ROBO1: variants seen among roughly 807,000 people sequenced by gnomAD.
The protein encoded by ROBO1 is roundabout guidance receptor 1.
ROBO1 carries 149 observed loss-of-function variants against 195.9 expected under a neutral mutation model. The observed-to-expected ratio is 0.76, with a 90% CI of 0.67 to 0.87. The LOEUF is 0.87. ROBO1 is among the 40% of genes least tolerant of loss of function. ROBO1 has a pLI of 0.00. For missense variants in ROBO1, 1,933 were observed against 2,068.3 expected, an observed-to-expected ratio of 0.93 and a Z score of 1.27; for synonymous variants, 816 against 733.2, an observed-to-expected ratio of 1.11 and a Z score of -1.82.
intron 3 of ROBO1, among the ~76,000 whole-genome samples, chr3:78,959,501 G>C (rs914389540): frequency 6.6e-6 from 1 of 152,076 alleles, no homozygotes; most frequent in Non-Finnish European, 1.5e-5. Context: ...CTAAAACAAT[G>C]AATGGAAGTA....
intron 8 of ROBO1, among the ~76,000 whole-genome samples, chr3:78,710,003 C>T (rs543792839): frequency 1.2e-4 from 19 of 152,288 alleles, no homozygotes; most frequent in Admixed American, 3.3e-4. Flanking sequence ...CAATACATAT[C>T]TAGGACTAGC....
intron 3 of ROBO1, among the ~76,000 whole-genome samples, chr3:79,069,495 T>G (rs184818137): frequency 6.6e-6 from 1 of 152,062 alleles, no homozygotes; most frequent in Non-Finnish European, 1.5e-5. Flanking sequence ...CTTCAAAGTA[T>G]TTGCTATTTG....
At chr3:79,566,545 T>A (rs1268587302) in intron 2 of ROBO1, among the ~76,000 whole-genome samples, 1 of 152,088 alleles carries the variant, frequency 6.6e-6, no homozygotes, top group East Asian at 1.9e-4. Context: ...TTGGTGCAAA[T>A]AAGTGTTTAG....
chr3:79,290,026 T>C (rs2032145028), intron 2 of ROBO1, among the ~76,000 whole-genome samples: 1 of 151,966 alleles, frequency 6.6e-6, no homozygotes, highest in Non-Finnish European at 1.5e-5. Flanking sequence ...TTCTCCTGTG[T>C]TCCTCCTTTC....
intron 1 of ROBO1, among the ~76,000 whole-genome samples, chr3:79,675,157 C>T (rs2106930239): frequency 6.6e-6 from 1 of 151,916 alleles, no homozygotes; most frequent in South Asian, 2.1e-4. Context: ...TGCATTTGGT[C>T]ATTAGAATAT....
At chr3:79,279,530 T>G (rs2031343809) in intron 2 of ROBO1, among the ~76,000 whole-genome samples, 1 of 152,110 alleles carries the variant, frequency 6.6e-6, no homozygotes, top group Non-Finnish European at 1.5e-5. Context: ...GTAAGTAAAC[T>G]AATACAGCTA....
At chr3:79,440,254 A>G (rs2107117028) in intron 2 of ROBO1, among the ~76,000 whole-genome samples, 1 of 152,202 alleles carries the variant, frequency 6.6e-6, no homozygotes, top group East Asian at 1.9e-4. Flanking sequence ...GTATGTCATG[A>G]AAAGGTTTCT....
chr3:79,570,917 A>G (rs1490692706), intron 2 of ROBO1, among the ~76,000 whole-genome samples: 2 of 152,282 alleles, frequency 1.3e-5, no homozygotes, highest in Admixed American at 1.3e-4. Context: ...GAGCAGGACT[A>G]TTTGAGTGAT....
intron 3 of ROBO1, among the ~76,000 whole-genome samples, chr3:79,046,026 C>T (rs144810539): frequency 9.1e-4 from 139 of 152,248 alleles, no homozygotes; most frequent in East Asian, 3.5e-3. Context: ...CTCACCTCCT[C>T]GTATTTATGT....
At chr3:79,569,880 C>T (rs1943222510) in intron 2 of ROBO1, among the ~76,000 whole-genome samples, 1 of 151,930 alleles carries the variant, frequency 6.6e-6, no homozygotes, top group East Asian at 1.9e-4. Flanking sequence ...GAGACGATCC[C>T]TTGAATCCAG....
At chr3:79,720,792 ATTT>A (rs36105372) in intron 1 of ROBO1, among the ~76,000 whole-genome samples, 15 of 142,984 alleles carry the variant, frequency 1.0e-4, no homozygotes, top group Admixed American at 2.1e-4. Context: ...GGAGTTGCTA[ATTT>A]TTTTTTTTTT....
chr3:79,144,276 G>A (rs2080594692), intron 2 of ROBO1, among the ~76,000 whole-genome samples: 1 of 152,032 alleles, frequency 6.6e-6, no homozygotes, highest in Non-Finnish European at 1.5e-5. Flanking sequence ...TTTCCAGAGT[G>A]TCTCACAATC....
At chr3:78,820,926 C>G (rs1007590830) in intron 4 of ROBO1, among the ~76,000 whole-genome samples, 1 of 152,138 alleles carries the variant, frequency 6.6e-6, no homozygotes, top group Non-Finnish European at 1.5e-5. Context: ...AACATATAAT[C>G]TAAACTGTGT....
chr3:79,389,241 ATATAAC>A (rs1255937650), intron 2 of ROBO1, among the ~76,000 whole-genome samples: 2 of 152,046 alleles, frequency 1.3e-5, no homozygotes, highest in African/African-American at 4.8e-5. Flanking sequence ...AAAATGAATA[ATATAAC>A]TATAAAGAAA....
chr3:79,058,479 T>G (rs1001127445), intron 3 of ROBO1, among the ~76,000 whole-genome samples: 1 of 152,052 alleles, frequency 6.6e-6, no homozygotes, highest in African/African-American at 2.4e-5. Context: ...ATGTCTGGAC[T>G]GTGAGTATGG....
At chr3:78,637,452 G>GGACATGGTCT (rs1430630792) in intron 22 of ROBO1, among the ~76,000 whole-genome samples, 5 of 152,126 alleles carry the variant, frequency 3.3e-5, no homozygotes, top group Non-Finnish European at 2.9e-5. Flanking sequence ...TGGAGATATT[G>GGACATGGTCT]GACATGGTCT....
At chr3:79,753,066 T>C (rs903570596) in intron 1 of ROBO1, among the ~76,000 whole-genome samples, 8 of 152,150 alleles carry the variant, frequency 5.3e-5, no homozygotes, top group Admixed American at 3.3e-4. Flanking sequence ...TAGTAAAGCC[T>C]GGAAAATATT....
intron 4 of ROBO1, among the ~76,000 whole-genome samples, chr3:78,841,733 T>C (rs1322514321): frequency 6.6e-6 from 1 of 152,130 alleles, no homozygotes; most frequent in Non-Finnish European, 1.5e-5. Context: ...GCAATTCCTA[T>C]GACATAGCCA....
chr3:78,680,869 A>C (rs2080884937), intron 10 of ROBO1, among the ~76,000 whole-genome samples: 1 of 149,664 alleles, frequency 6.7e-6, no homozygotes, highest in South Asian at 2.1e-4. Flanking sequence ...TGCTGCTATA[A>C]AGACACATGC....
Sources: gnomAD v4.1 joint callset for allele counts (sites outside exome capture counted in the v4.1 genomes callset) on GRCh38, gnomAD v4.1.1 for gene constraint, MANE v1.5 for transcripts, NCBI Gene and HGNC (gene_info 2026-07-23, HGNC 2026-07-21) for gene names.